ATRNL1: variants seen among roughly 807,000 people sequenced by gnomAD.
ATRNL1 encodes the protein attractin-like protein 1.
ATRNL1 carries 95 observed loss-of-function variants against 182.7 expected under a neutral mutation model. The observed-to-expected ratio is 0.52, with a 90% CI of 0.44 to 0.62. The LOEUF is 0.62. ATRNL1 is among the 20% of genes least tolerant of loss of function. The pLI is 0.00. For synonymous variants in ATRNL1, 576 were observed against 568.3 expected (o/e 1.01, Z -0.19); for missense variants, 1,471 against 1,679.5 (o/e 0.88, Z 2.17).
intron 27 of ATRNL1, among the ~76,000 whole-genome samples, chr10:115,765,676 T>C (rs1948839806): frequency 6.6e-6 from 1 of 152,210 alleles, no homozygotes; most frequent in Non-Finnish European, 1.5e-5. Context: ...CTTTCATGAA[T>C]TAAGCCTTTG....
intron 28 of ATRNL1, among the ~76,000 whole-genome samples, chr10:115,880,914 C>G (rs1951812501): frequency 6.6e-6 from 1 of 152,040 alleles, no homozygotes; most frequent in East Asian, 1.9e-4. Flanking sequence ...CTTGAGAAAC[C>G]AAAAAGAACA....
rs536763407 is a variant in ATRNL1 at position 115,899,187 on chromosome 10, A to G, written c.4019-45471A>G. ...TGTTCTCATTGTTCAATTCCCATCT[A>G]TGGTGTTCTCATTGTTCAATTCCCA... On this transcript the variant is annotated intron_variant, in intron 28 of 28. Coordinates refer to ENST00000355044, the MANE Select transcript of ATRNL1 (RefSeq NM_207303.4). 4.6e-5 allele frequency among the ~76,000 whole-genome samples: 7 copies of G among 151,888 alleles called. No homozygotes were observed. In the South Asian group the frequency reaches 1.3e-3, roughly 27 times the overall value.
At position 115,816,181 on chromosome 10, in the gene ATRNL1, AT is replaced by A. The variant is rs1190173064; in HGVS notation, c.3904-31694del. ...TAGCTCTACCTGCCAAATTGGTCAG[AT>A]TCTTTGAGTCTGTGGCCACACAATG... On this transcript the variant is annotated intron_variant, in intron 27 of 28. Coordinates refer to ENST00000355044, the MANE Select transcript of ATRNL1 (RefSeq NM_207303.4). 1.2e-3 allele frequency among the ~76,000 whole-genome samples: 177 copies of A among 152,262 alleles called. 2 individuals carry two copies. Among genetic ancestry groups the A allele is most frequent in the Non-Finnish European group, 3.1e-4 (21 of 68,010 alleles).
rs548893566 is a variant in ATRNL1, at chr10:115,537,364, C to G, written c.3717-12094C>G. 2.6e-5 allele frequency among the ~76,000 whole-genome samples: 4 copies of G among 152,288 alleles called. No individual in the cohort carries two copies. In the South Asian group the frequency reaches 8.3e-4, roughly 32 times the overall value. On this transcript the variant is annotated intron_variant, in intron 25 of 28. Coordinates refer to ENST00000355044, the MANE Select transcript of ATRNL1 (RefSeq NM_207303.4). ...CATGCTTTAAATTGAATTTACTGTA[C>G]TGGGAAACAGTCTCTTTTTTTCCAG...
intron 28 of ATRNL1, among the ~76,000 whole-genome samples, chr10:115,894,169 C>A (rs939293530): frequency 1.8e-4 from 27 of 152,064 alleles, no homozygotes; most frequent in African/African-American, 5.3e-4. Flanking sequence ...AAAGATGCAC[C>A]AAAGGGCATT....
chr10:115,529,720 C>T (rs556153943), intron 25 of ATRNL1, among the ~76,000 whole-genome samples: 7 of 152,096 alleles, frequency 4.6e-5, no homozygotes, highest in South Asian at 2.1e-4. Flanking sequence ...AATTTTTAAA[C>T]GTTTTCCAAT....
intron 13 of ATRNL1, among the ~76,000 whole-genome samples, chr10:115,278,529 A>G (rs116007142): frequency 0.012 from 1,787 of 152,280 alleles, 34 homozygotes; most frequent in African/African-American, 0.04. Flanking sequence ...TGAGGCATTT[A>G]CCTTGTATGG....
At chr10:115,863,566 C>A (rs74319886) in intron 28 of ATRNL1, among the ~76,000 whole-genome samples, 2,630 of 152,166 alleles carry the variant, frequency 0.017, 86 homozygotes, top group African/African-American at 0.06. Context: ...CTAGAATGAA[C>A]CCTGTGGCAT....
intron 18 of ATRNL1, among the ~76,000 whole-genome samples, chr10:115,329,835 T>C (rs1384427758): frequency 1.3e-5 from 2 of 152,148 alleles, no homozygotes; most frequent in Admixed American, 6.5e-5. Flanking sequence ...ATTGACTCAC[T>C]GTTTGTCTTT....
At chr10:115,192,116 C>T (rs1394291007) in intron 8 of ATRNL1, among the ~76,000 whole-genome samples, 1 of 151,750 alleles carries the variant, frequency 6.6e-6, no homozygotes, top group African/African-American at 2.4e-5. Context: ...ATGCCTTTGC[C>T]CATTTTTTGC....
intron 6 of ATRNL1, 129 bp downstream of exon 6, chr10:115,160,343 C>T: frequency 2.6e-6 from 2 of 760,946 alleles, no homozygotes; most frequent in Non-Finnish European, 4.2e-6. Flanking sequence ...GCTAGTGAGA[C>T]TGATTTGTGA....
At chr10:115,737,216 A>G (rs1245224106) in intron 27 of ATRNL1, among the ~76,000 whole-genome samples, 1 of 151,390 alleles carries the variant, frequency 6.6e-6, no homozygotes, top group Non-Finnish European at 1.5e-5. Context: ...CCTTAAGCTT[A>G]GGAGGTCAAA....
chr10:115,470,820 C>A (rs1848274978), intron 24 of ATRNL1, among the ~76,000 whole-genome samples: 1 of 150,486 alleles, frequency 6.6e-6, no homozygotes, highest in African/African-American at 2.4e-5. Context: ...AATTTCTCCT[C>A]TTTATTAAAC....
At chr10:115,287,207 C>T (rs1380290115) in intron 15 of ATRNL1, among the ~76,000 whole-genome samples, 3 of 151,976 alleles carry the variant, frequency 2.0e-5, no homozygotes, top group Admixed American at 1.3e-4. Context: ...AACTTAGTAG[C>T]AAGTTAACAT....
At chr10:115,748,459 T>G (rs1179637395) in intron 27 of ATRNL1, among the ~76,000 whole-genome samples, 1 of 151,506 alleles carries the variant, frequency 6.6e-6, no homozygotes, top group Non-Finnish European at 1.5e-5. Flanking sequence ...TTTACATAAA[T>G]AAATCTTTAT....
At chr10:115,496,691 T>C (rs1438000829) in intron 24 of ATRNL1, among the ~76,000 whole-genome samples, 1 of 152,208 alleles carries the variant, frequency 6.6e-6, no homozygotes, top group Non-Finnish European at 1.5e-5. Context: ...GATTTGAGTT[T>C]TTATTCTTTA....
At chr10:115,503,258 C>A (rs1554980497) in intron 24 of ATRNL1, among the ~76,000 whole-genome samples, 1 of 152,042 alleles carries the variant, frequency 6.6e-6, no homozygotes, top group Admixed American at 6.6e-5. Context: ...TTTCGATAAA[C>A]TGTAAAATCT....
intron 25 of ATRNL1, among the ~76,000 whole-genome samples, chr10:115,538,295 C>T (rs530978441): frequency 6.6e-6 from 1 of 152,274 alleles, no homozygotes; most frequent in East Asian, 1.9e-4. Flanking sequence ...AGTGACTGTA[C>T]AATTCTGTGC....
rs200045437 is a variant in ATRNL1, at chr10:115,412,316, GC to G, written c.3270-13932del. ...TGAGGGAAAATAGAAGCAGGCATAT[GC>G]CTAGTTAGTCCTCTGATTAAAACCA... On this transcript the variant is annotated intron_variant, in intron 20 of 28. Transcript: ENST00000355044. Among the ~76,000 whole-genome samples the G allele has an allele frequency of 5.1e-3, 782 of 152,254 alleles. 7 individuals carry two copies. The highest frequency in any genetic ancestry group is 0.017 in the African/African-American group (694 of 41,550).
Sources: gnomAD v4.1 joint callset for allele counts (sites outside exome capture counted in the v4.1 genomes callset) on GRCh38, gnomAD v4.1.1 for gene constraint, MANE v1.5 for transcripts, NCBI Gene and HGNC (gene_info 2026-07-23, HGNC 2026-07-21) for gene names.